The following SCN2A variants were observed in gnomAD, a reference collection of about 807,000 sequenced individuals.
The protein encoded by SCN2A is sodium voltage-gated channel alpha subunit 2.
Under a neutral mutation model 188.7 loss-of-function variants are expected in SCN2A, and 20 were observed. That is an observed-to-expected ratio of 0.11 (90% CI 0.07 to 0.15). SCN2A has a LOEUF of 0.15. Among genes scored for constraint, SCN2A ranks in the 10% least tolerant of loss-of-function variants. The pLI is 1.00. For synonymous variants in SCN2A, 804 were observed against 833.1 expected, an observed-to-expected ratio of 0.97 and a Z score of 0.60; for missense variants, 1,278 against 2,445.0, an observed-to-expected ratio of 0.52 and a Z score of 10.07.
chr2:165,294,040 A>AT lies in SCN2A; in HGVS notation c.-51-1720dup, dbSNP rs1553563950. On this transcript the variant is annotated intron_variant, in intron 1 of 26. Transcript: ENST00000375437. ...AAAAAAAAAAAAAAAAAAAAAAAAG[A>AT]TTTTTTTTTTTTTAAAGCATGATGG... is the stretch of plus-strand genomic sequence containing the variant. The AT allele has an allele frequency of 0.044, 27,198 of 611,984 alleles. 136 individuals are homozygous for AT. Among genetic ancestry groups the AT allele is most frequent in the East Asian group, 0.12 (692 of 5,678 alleles). The allele number at this position is 611,984 out of a possible 1,614,324, so 37.9% of individuals were successfully genotyped here.
intron 21 of SCN2A, among the ~76,000 whole-genome samples, chr2:165,373,611 T>C (rs1258293537): frequency 1.3e-5 from 2 of 152,168 alleles, no homozygotes; most frequent in Non-Finnish European, 2.9e-5. Context: ...ATGCTGCTGA[T>C]TTGAATCAAG....
chr2:165,315,422 TTACTTTTTAAGTTTA>T, intron 10 of SCN2A, 34 bp from the exon 11 acceptor site: 1 of 1,610,882 alleles, frequency 6.2e-7, no homozygotes, highest in Non-Finnish European at 8.5e-7. Flanking sequence ...AACATGATAA[TTACTTTTTAAGTTTA>T]TATGCAACTT....
chr2:165,377,457 C>T, intron 22 of SCN2A, 140 bp from the exon 23 acceptor site: 3 of 658,310 alleles, frequency 4.6e-6, no homozygotes, highest in South Asian at 2.1e-5. Context: ...AAAACATTGC[C>T]CCAAAAGTGA....
intron 20 of SCN2A, chr2:165,370,607 C>T (rs575259993): frequency 2.7e-4 from 80 of 291,762 alleles, no homozygotes; most frequent in African/African-American, 1.4e-3. Flanking sequence ...ACTCACATTT[C>T]GCAAAATAAC....
chr2:165,286,297 G>A (rs1192859148), intron 1 of SCN2A, among the ~76,000 whole-genome samples: 1 of 152,138 alleles, frequency 6.6e-6, no homozygotes, highest in Non-Finnish European at 1.5e-5. Flanking sequence ...GGCTGAACAT[G>A]GGGCTCACCA....
intron 17 of SCN2A, among the ~76,000 whole-genome samples, chr2:165,359,124 C>G (rs1440231330): frequency 6.6e-6 from 1 of 152,010 alleles, no homozygotes; most frequent in Admixed American, 6.6e-5. Context: ...TACTTTGGAA[C>G]AAAATATTCC....
At chr2:165,245,816 G>A (rs1025348508) in intron 1 of SCN2A, among the ~76,000 whole-genome samples, 1 of 152,196 alleles carries the variant, frequency 6.6e-6, no homozygotes, top group South Asian at 2.1e-4. Context: ...CATTTAATCA[G>A]TCTATTCAAT....
At chr2:165,299,856 G>A (rs3769932) in intron 3 of SCN2A, among the ~76,000 whole-genome samples, 35,719 of 152,066 alleles carry the variant, frequency 0.23, 4,486 homozygotes, top group East Asian at 0.36. Context: ...AACCAACAAG[G>A]AGCCATTCAT....
chr2:165,245,196 T>C (rs1244825274), intron 1 of SCN2A: 1 of 152,176 alleles, frequency 6.6e-6, no homozygotes, highest in Non-Finnish European at 1.5e-5. Flanking sequence ...AATCTCACCT[T>C]GAATTGTAGT....
rs1300708007 is a variant in SCN2A at position 165,390,630 on chromosome 2, GTATATACATA to G, written c.*812_*821del. 2.6e-5 allele frequency: 4 copies of G among 152,250 alleles called. No individual in the cohort carries two copies. The highest frequency in any genetic ancestry group is 9.7e-5 in the African/African-American group (4 of 41,348). The allele number at this position is 152,250 out of a possible 1,614,324, so 9.4% of individuals were successfully genotyped here. A position where few individuals can be genotyped will look rare whatever the true frequency, so the allele number is the denominator to read the frequency against. ...TATATGTATATATGTATATGTGCGT[GTATATACATA>G]TATATGTATACACACATGCACACAC... On this transcript the variant is annotated 3_prime_UTR_variant, in exon 27 of 27. Coordinates refer to ENST00000375437, the MANE Select transcript of SCN2A (RefSeq NM_001040142.2).
intron 13 of SCN2A, among the ~76,000 whole-genome samples, chr2:165,329,026 G>A (rs765162121): frequency 3.1e-5 from 4 of 128,392 alleles, no homozygotes; most frequent in Non-Finnish European, 6.3e-5. Context: ...TGATAATGGT[G>A]CAAAGTTTTC....
intron 17 of SCN2A, among the ~76,000 whole-genome samples, chr2:165,362,035 G>A (rs1451989576): frequency 6.6e-6 from 1 of 151,970 alleles, no homozygotes; most frequent in Non-Finnish European, 1.5e-5. Flanking sequence ...GTAGTTAGTG[G>A]TTGGATAAAA....
intron 3 of SCN2A, among the ~76,000 whole-genome samples, chr2:165,301,288 G>A (rs1318206890): frequency 6.6e-6 from 1 of 152,072 alleles, no homozygotes; most frequent in Non-Finnish European, 1.5e-5. Flanking sequence ...AAAAGGGCTG[G>A]GCTGGAGGTG....
At chr2:165,351,206 A>G (rs1699893440) in intron 16 of SCN2A, among the ~76,000 whole-genome samples, 1 of 152,230 alleles carries the variant, frequency 6.6e-6, no homozygotes, top group Non-Finnish European at 1.5e-5. Context: ...TAGAACTAAG[A>G]TAAACATGCT....
chr2:165,322,688 G>C (rs1698137107), intron 11 of SCN2A, among the ~76,000 whole-genome samples: 1 of 152,206 alleles, frequency 6.6e-6, no homozygotes, highest in Non-Finnish European at 1.5e-5. Context: ...TCCATGGTAA[G>C]ATTTGCATCA....
chr2:165,285,805 G>A (rs1023739875), intron 1 of SCN2A: 1 of 163,804 alleles, frequency 6.1e-6, no homozygotes, highest in African/African-American at 2.4e-5. Context: ...CCTGGTGTGG[G>A]CAGTAGGAGT....
At chr2:165,358,376 A>G (rs1410719326) in intron 17 of SCN2A, among the ~76,000 whole-genome samples, 1 of 152,190 alleles carries the variant, frequency 6.6e-6, no homozygotes, top group East Asian at 1.9e-4. Context: ...TAATGTGATA[A>G]TAATGTAAAT....
At chr2:165,310,267 G>A (rs1042630078) in intron 6 of SCN2A, 56 bp from the exon 7 acceptor site, 29 of 1,575,866 alleles carry the variant, frequency 1.8e-5, no homozygotes, top group East Asian at 4.5e-5. Context: ...TATTTTTGCC[G>A]GTAAAATAGC....
chr2:165,314,163 T>C (rs1697599557), intron 10 of SCN2A, 55 bp downstream of exon 10: 1 of 1,560,148 alleles, frequency 6.4e-7, no homozygotes, highest in African/African-American at 1.4e-5. Flanking sequence ...TTCTTTAACC[T>C]AAATGTTGAG....
Sources: allele counts gnomAD v4.1 joint callset (sites outside exome capture counted in the v4.1 genomes callset), GRCh38; gene constraint gnomAD v4.1.1; transcripts MANE v1.5; gene names NCBI Gene and HGNC (gene_info 2026-07-23, HGNC 2026-07-21).